Variants in NELL1 observed in about 807,000 individuals in gnomAD.
The protein encoded by NELL1 is neural EGFL like 1, also known as protein kinase C-binding protein NELL1.
In NELL1, 76 loss-of-function variants were observed where a neutral mutation model predicts 107.4. The ratio of observed to expected loss-of-function variants is 0.71; its 90% CI spans 0.59 to 0.86. The LOEUF is 0.86. NELL1 is among the 40% of genes least tolerant of loss of function. The probability of loss-of-function intolerance (pLI) is 0.00; values close to 1 mark genes in which losing one functional copy is unlikely to be tolerated. For missense variants in NELL1, 1,024 were observed against 1,005.5 expected, an observed-to-expected ratio of 1.02 and a Z score of -0.25; for synonymous variants, 353 against 341.2, an observed-to-expected ratio of 1.03 and a Z score of -0.38.
intron 12 of NELL1, among the ~76,000 whole-genome samples, chr11:21,002,516 G>A (rs1852245731): frequency 6.6e-6 from 1 of 152,092 alleles, no homozygotes; most frequent in Non-Finnish European, 1.5e-5. Flanking sequence ...AAGATAGATA[G>A]GATACTGCAG....
rs1245612132 is a variant in NELL1 at position 20,979,096 on chromosome 11, C to T, written c.1300+18536C>T. ...TGCCCTTAGTTTTTGGTCGACTGAACCAAGTTCTTCTCTTGAAAGGTCAAT... is the reference window on the plus strand; with the variant it reads ...TGCCCTTAGTTTTTGGTCGACTGAATCAAGTTCTTCTCTTGAAAGGTCAAT... On this transcript the variant is annotated intron_variant, in intron 12 of 19. Transcript: ENST00000357134. 2.6e-5 allele frequency among the ~76,000 whole-genome samples: 4 copies of T among 152,114 alleles called. No individual in the cohort carries two copies. In the South Asian group the frequency reaches 8.3e-4, roughly 32 times the overall value.
intron 13 of NELL1, among the ~76,000 whole-genome samples, chr11:21,223,837 T>C (rs1322525605): frequency 6.6e-6 from 1 of 152,250 alleles, no homozygotes; most frequent in Non-Finnish European, 1.5e-5. Context: ...TAAGCTTTTC[T>C]CGTAGATCAG....
At chr11:21,179,026 A>G (rs1363757096) in intron 13 of NELL1, among the ~76,000 whole-genome samples, 1 of 151,684 alleles carries the variant, frequency 6.6e-6, no homozygotes, top group South Asian at 2.1e-4. Flanking sequence ...CACTTAAAAA[A>G]CTTTTTCGAA....
At chr11:21,123,794 C>G (rs1165574486) in intron 13 of NELL1, among the ~76,000 whole-genome samples, 7 of 152,048 alleles carry the variant, frequency 4.6e-5, no homozygotes, top group Non-Finnish European at 8.8e-5. Context: ...AAACTGGAAG[C>G]AGCGTAAATA....
chr11:20,958,375 C>T (rs572437036), intron 11 of NELL1, among the ~76,000 whole-genome samples: 13 of 152,078 alleles, frequency 8.5e-5, no homozygotes, highest in Non-Finnish European at 1.5e-4. Context: ...ATTGTGCCAC[C>T]GCACTCCAAC....
chr11:21,385,288 T>A (rs1851716093), intron 15 of NELL1, among the ~76,000 whole-genome samples: 1 of 149,686 alleles, frequency 6.7e-6, no homozygotes, highest in Non-Finnish European at 1.5e-5. Flanking sequence ...ACATAGGAAC[T>A]GTGTGAAACA....
At chr11:21,270,924 A>G (rs552366430) in intron 14 of NELL1, among the ~76,000 whole-genome samples, 1 of 152,292 alleles carries the variant, frequency 6.6e-6, no homozygotes, top group East Asian at 1.9e-4. Context: ...TAAGTAACCT[A>G]TGGGTCAAAA....
At chr11:21,156,283 T>C (rs1856231856) in intron 13 of NELL1, among the ~76,000 whole-genome samples, 1 of 152,178 alleles carries the variant, frequency 6.6e-6, no homozygotes, top group Admixed American at 6.5e-5. Flanking sequence ...ATCATACGTT[T>C]TAAGCAAAAC....
chr11:20,945,426 G>A (rs1246449425), intron 10 of NELL1, among the ~76,000 whole-genome samples: 2 of 152,184 alleles, frequency 1.3e-5, no homozygotes, highest in African/African-American at 2.4e-5. Context: ...CTCTGCATGG[G>A]CAAAATGGCT....
chr11:21,031,274 A>G (rs1228902227), intron 12 of NELL1, among the ~76,000 whole-genome samples: 2 of 152,234 alleles, frequency 1.3e-5, no homozygotes, highest in Admixed American at 6.5e-5. Context: ...ACATCCTTGT[A>G]TATAAATCTT....
chr11:20,777,082 A>T (rs1856765356), intron 2 of NELL1, among the ~76,000 whole-genome samples: 1 of 152,234 alleles, frequency 6.6e-6, no homozygotes, highest in South Asian at 2.1e-4. Flanking sequence ...TCAAGCACTG[A>T]GATCACACAT....
chr11:20,748,963 T>G (rs776937549), intron 2 of NELL1, among the ~76,000 whole-genome samples: 1 of 151,720 alleles, frequency 6.6e-6, no homozygotes, highest in Non-Finnish European at 1.5e-5. Flanking sequence ...CATCCATATT[T>G]TGACATATAT....
chr11:21,134,518 T>G (rs1232514185), intron 13 of NELL1, among the ~76,000 whole-genome samples: 1 of 152,216 alleles, frequency 6.6e-6, no homozygotes, highest in Non-Finnish European at 1.5e-5. Context: ...TCCTTTGGCA[T>G]CTTTGCTTTC....
rs1008264761 is a variant in NELL1, at chr11:20,899,464, G to A, written c.603+13924G>A. 5.3e-5 allele frequency among the ~76,000 whole-genome samples: 8 copies of A among 152,226 alleles called. No homozygotes were observed. The South Asian group carries it at 1.0e-3, about 20-fold the overall frequency. On this transcript the variant is annotated intron_variant, in intron 5 of 19. Transcript: ENST00000357134. ...AGATAATAAATATCACAATTTGTGA[G>A]ATGCAGCTAAAGCAATTCTTAGCAG...
intron 3 of NELL1, among the ~76,000 whole-genome samples, chr11:20,812,937 G>A (rs1396120811): frequency 2.0e-5 from 3 of 146,750 alleles, no homozygotes; most frequent in African/African-American, 7.5e-5. Context: ...GAACCCCAGG[G>A]GGCGGAGCCT....
chr11:21,414,498 C>G (rs1001122116), intron 15 of NELL1, among the ~76,000 whole-genome samples: 1 of 150,876 alleles, frequency 6.6e-6, no homozygotes, highest in Non-Finnish European at 1.5e-5. Flanking sequence ...ATTCCTGGAT[C>G]ACAGCCTAAG....
At chr11:20,684,949 G>A (rs1471525937) in intron 2 of NELL1, among the ~76,000 whole-genome samples, 1 of 152,010 alleles carries the variant, frequency 6.6e-6, no homozygotes, top group Non-Finnish European at 1.5e-5. Flanking sequence ...TGCCTTTTGG[G>A]TGGGTCTTTC....
intron 12 of NELL1, among the ~76,000 whole-genome samples, chr11:21,014,851 C>T (rs1390443281): frequency 6.6e-6 from 1 of 152,120 alleles, no homozygotes; most frequent in Non-Finnish European, 1.5e-5. Flanking sequence ...TATAGTCTCC[C>T]TGCCCTTGTT....
At chr11:20,739,935 T>C (rs1855853917) in intron 2 of NELL1, among the ~76,000 whole-genome samples, 1 of 152,204 alleles carries the variant, frequency 6.6e-6, no homozygotes, top group African/African-American at 2.4e-5. Context: ...GCGCCATCGT[T>C]ATACCAGGAG....
Sources: gnomAD v4.1 joint callset for allele counts (sites outside exome capture counted in the v4.1 genomes callset) on GRCh38, gnomAD v4.1.1 for gene constraint, MANE v1.5 for transcripts, NCBI Gene and HGNC (gene_info 2026-07-23, HGNC 2026-07-21) for gene names.